The following SPON1 variants were observed in gnomAD, a reference collection of about 807,000 sequenced individuals.
The protein encoded by SPON1 is spondin-1.
A neutral mutation model predicts 111.7 loss-of-function variants in SPON1; 52 were observed. That is an observed-to-expected ratio of 0.47 (90% CI 0.37 to 0.59). The LOEUF is 0.59. SPON1 is among the 20% of genes least tolerant of loss of function. The pLI, the probability that SPON1 is intolerant of heterozygous loss-of-function variation, is 0.00. For missense variants in SPON1, 957 were observed against 1,068.5 expected (o/e 0.90, Z 1.46); for synonymous variants, 410 against 395.8 (o/e 1.04, Z -0.43).
At chr11:14,161,031 A>G (rs1366394023) in intron 6 of SPON1, among the ~76,000 whole-genome samples, 21 of 57,290 alleles carry the variant, frequency 3.7e-4, no homozygotes, top group African/African-American at 1.6e-3. Context: ...ATATATATTT[A>G]TATATATCTA....
At chr11:14,169,040 T>C (rs1241419665) in intron 6 of SPON1, among the ~76,000 whole-genome samples, 1 of 152,200 alleles carries the variant, frequency 6.6e-6, no homozygotes. Flanking sequence ...CTGGGTCAAA[T>C]GGTATTTCTA....
Position 14,267,284 on chromosome 11 carries a change from A to G in SPON1, c.*1597A>G, listed in dbSNP as rs1357951362. On this transcript the variant is annotated 3_prime_UTR_variant, in exon 16 of 16. Coordinates refer to ENST00000576479, the MANE Select transcript of SPON1 (RefSeq NM_006108.4). The stretch of plus-strand genomic sequence containing the variant: ...TTGTCCTCCACCTCCATCATTTTCA[A>G]TAAAAGATAGGGCTTTTGCTCCCTT... The G allele has an allele frequency of 2.6e-5, 4 of 152,234 alleles. No individual in the cohort carries two copies. The highest frequency in any genetic ancestry group is 7.2e-5 in the African/African-American group (3 of 41,456). 9.4% of individuals were successfully genotyped at this position (152,234 alleles called of 1,614,324 possible).
At chr11:14,121,021 TACA>T (rs1849301035) in intron 5 of SPON1, among the ~76,000 whole-genome samples, 1 of 152,180 alleles carries the variant, frequency 6.6e-6, no homozygotes, top group South Asian at 2.1e-4. Context: ...GACTGATGCA[TACA>T]ACAACATGGA....
chr11:14,227,980 C>G (rs1848758807), intron 6 of SPON1, among the ~76,000 whole-genome samples: 1 of 152,300 alleles, frequency 6.6e-6, no homozygotes, highest in Non-Finnish European at 1.5e-5. Flanking sequence ...GATATGAACT[C>G]CTTATGCTTA....
chr11:14,265,373 C>T, intron 15 of SPON1, 151 bp from the exon 16 acceptor site: 2 of 883,064 alleles, frequency 2.3e-6, no homozygotes, highest in Non-Finnish European at 3.3e-6. Flanking sequence ...TCACATACGA[C>T]CTAACTGTCC....
intron 6 of SPON1, among the ~76,000 whole-genome samples, chr11:14,191,113 A>G (rs782679246): frequency 1.4e-4 from 21 of 152,200 alleles, no homozygotes; most frequent in Non-Finnish European, 5.9e-5. Context: ...GAAGTTCCTC[A>G]AAAGAAGAGT....
At chr11:14,243,010 T>A (rs147141443) in intron 6 of SPON1, among the ~76,000 whole-genome samples, 164 of 152,332 alleles carry the variant, frequency 1.1e-3, no homozygotes, top group African/African-American at 3.8e-3. Flanking sequence ...GAAATGGACA[T>A]GACATGGGAG....
At chr11:14,228,000 TAA>T (rs1351737848) in intron 6 of SPON1, among the ~76,000 whole-genome samples, 1 of 152,218 alleles carries the variant, frequency 6.6e-6, no homozygotes, top group Non-Finnish European at 1.5e-5. Context: ...ATAGCTCTCT[TAA>T]GATGATAAAA....
At chr11:14,028,486 A>G (rs1848535304) in intron 2 of SPON1, among the ~76,000 whole-genome samples, 1 of 152,162 alleles carries the variant, frequency 6.6e-6, no homozygotes, top group African/African-American at 2.4e-5. Context: ...ATAAATAAAA[A>G]TAAAATTTTA....
chr11:14,159,562 T>C (rs1430053184), intron 6 of SPON1, among the ~76,000 whole-genome samples: 1 of 152,114 alleles, frequency 6.6e-6, no homozygotes, highest in Non-Finnish European at 1.5e-5. Context: ...GAAATCAGTA[T>C]ATCAAAGAGA....
At chr11:14,223,722 A>G (rs1487454019) in intron 6 of SPON1, among the ~76,000 whole-genome samples, 1 of 152,192 alleles carries the variant, frequency 6.6e-6, no homozygotes, top group Non-Finnish European at 1.5e-5. Flanking sequence ...TCAATCCATG[A>G]GAGACCCTGG....
In SPON1 at chr11:14,199,637, C is replaced by A. The variant is rs183251404; in HGVS notation, c.826-43695C>A. Among the ~76,000 whole-genome samples, 493 of 152,328 alleles carry A rather than the reference C, an allele frequency of 3.2e-3. 1 individual carries two copies. Among genetic ancestry groups the A allele is most frequent in the African/African-American group, 0.011 (467 of 41,586 alleles). The stretch of plus-strand genomic sequence containing the variant: ...TTTTTAAACACAAAGCTAACAATGG[C>A]ACCCTCCTGCTTAAATTCCTCTGTG... On this transcript the variant is annotated intron_variant, in intron 6 of 15. Coordinates refer to ENST00000576479, the MANE Select transcript of SPON1 (RefSeq NM_006108.4).
At chr11:14,156,473 T>G (rs1472516733) in intron 6 of SPON1, among the ~76,000 whole-genome samples, 4 of 146,792 alleles carry the variant, frequency 2.7e-5, no homozygotes, top group East Asian at 4.1e-4. Flanking sequence ...TAGTTTCTTT[T>G]GCTCTGCAGA....
intron 6 of SPON1, chr11:14,224,733 C>T: frequency 2.0e-6 from 1 of 503,940 alleles, no homozygotes. Context: ...AAAGGATACA[C>T]ATAAGGGTGA....
intron 14 of SPON1, 185 bp from the exon 15 acceptor site, chr11:14,262,527 G>A (rs1849197504): frequency 1.4e-6 from 1 of 717,458 alleles, no homozygotes; most frequent in African/African-American, 1.8e-5. Context: ...TGCCTCTGCT[G>A]CTTACCAACC....
Position 14,266,402 on chromosome 11 carries a change from A to G in SPON1, c.*715A>G, listed in dbSNP as rs913575239. On this transcript the variant is annotated 3_prime_UTR_variant, in exon 16 of 16. Transcript: ENST00000576479. Reference sequence around the variant, plus strand: ...TACACCTGAGATAAATAATAAGCTTAGAGTGTATTTTTCCCTTGCTTTTGG... The same window carrying G: ...TACACCTGAGATAAATAATAAGCTTGGAGTGTATTTTTCCCTTGCTTTTGG... 1.3e-5 allele frequency: 2 copies of G among 152,136 alleles called. No individual in the cohort carries two copies. Among genetic ancestry groups the G allele is most frequent in the African/African-American group, 4.8e-5 (2 of 41,408 alleles). The allele number at this position is 152,136 out of a possible 1,614,324, so 9.4% of individuals were successfully genotyped here.
Position 14,124,204 on chromosome 11 carries a change from G to A in SPON1, c.677-11216G>A, listed in dbSNP as rs544259611. On this transcript the variant is annotated intron_variant, in intron 5 of 15. Transcript: ENST00000576479. ...CACACACTCACACACACACACACAC[G>A]CACACACTACCATGACCTACTCGTA... Among the ~76,000 whole-genome samples the A allele has an allele frequency of 1.2e-4, 18 of 151,468 alleles. No homozygotes were observed. In the East Asian group the frequency reaches 1.7e-3, roughly 15 times the overall value.
intron 2 of SPON1, among the ~76,000 whole-genome samples, chr11:14,040,402 T>C (rs1554917161): frequency 1.3e-5 from 2 of 151,970 alleles, no homozygotes. Flanking sequence ...CACAAAACAA[T>C]TCTAAATAAC....
At chr11:14,192,621 C>T (rs1459016052) in intron 6 of SPON1, among the ~76,000 whole-genome samples, 1 of 151,400 alleles carries the variant, frequency 6.6e-6, no homozygotes, top group East Asian at 1.9e-4. Context: ...AATGCCCTCC[C>T]TCACGGTACA....
Sources: allele counts gnomAD v4.1 joint callset (sites outside exome capture counted in the v4.1 genomes callset), GRCh38; gene constraint gnomAD v4.1.1; transcripts MANE v1.5; gene names NCBI Gene and HGNC (gene_info 2026-07-23, HGNC 2026-07-21).